The following AHCYL2 variants were observed in gnomAD, a reference collection of about 807,000 sequenced individuals.
AHCYL2 encodes adenosylhomocysteinase like 2.
In AHCYL2, 28 loss-of-function variants were observed where a neutral mutation model predicts 81.4. The ratio of observed to expected loss-of-function variants is 0.34; its 90% CI spans 0.25 to 0.47. The LOEUF (loss-of-function observed/expected upper bound fraction) is 0.47. Among genes scored for constraint, AHCYL2 ranks in the 20% least tolerant of loss-of-function variants. The pLI is 1.00. For synonymous variants in AHCYL2, 272 were observed against 290.2 expected, an observed-to-expected ratio of 0.94 and a Z score of 0.64; for missense variants, 551 against 785.1, an observed-to-expected ratio of 0.70 and a Z score of 3.56.
chr7:129,281,155 A>T (rs377073177), intron 1 of AHCYL2, among the ~76,000 whole-genome samples: 8 of 151,728 alleles, frequency 5.3e-5, no homozygotes, highest in Non-Finnish European at 8.8e-5. Context: ...GAGCCACCAC[A>T]CCCGGCCCAT....
rs1434472197 is a variant in AHCYL2 at position 129,358,070 on chromosome 7, C to T, written c.364-21568C>T. 3.3e-5 allele frequency among the ~76,000 whole-genome samples: 5 copies of T among 151,774 alleles called. 1 individual carries two copies. The highest frequency in any genetic ancestry group is 3.3e-4 in the Admixed American group (5 of 15,204). The stretch of plus-strand genomic sequence containing the variant: ...AGATGAATGGATAAACAAAATGTGG[C>T]ATAGACATAAAATGGAATATTATTC... On this transcript the variant is annotated intron_variant, in intron 1 of 16. Transcript: ENST00000325006.
chr7:129,330,306 G>C (rs1385018558), intron 1 of AHCYL2, among the ~76,000 whole-genome samples: 1 of 151,878 alleles, frequency 6.6e-6, no homozygotes, highest in Non-Finnish European at 1.5e-5. Context: ...CCCAAAAGCT[G>C]TTCTGTTTGT....
intron 1 of AHCYL2, among the ~76,000 whole-genome samples, chr7:129,250,205 CGAGGCCACAGTCA>C (rs1795202943): frequency 6.6e-6 from 1 of 152,142 alleles, no homozygotes. Context: ...AGGCTGAGTT[CGAGGCCACAGTCA>C]GCTATTATTG....
chr7:129,385,306 T>C (rs989338459), intron 2 of AHCYL2, among the ~76,000 whole-genome samples: 10 of 152,200 alleles, frequency 6.6e-5, no homozygotes, highest in African/African-American at 2.4e-4. Context: ...ACCAAATGAA[T>C]AGGTTAGGCC....
Position 129,368,457 on chromosome 7 carries a change from C to T in AHCYL2, c.364-11181C>T. On this transcript the variant is annotated intron_variant, in intron 1 of 16. Coordinates refer to ENST00000325006, the MANE Select transcript of AHCYL2 (RefSeq NM_015328.4). The surrounding 1 kb of genome is among the most constrained non-coding windows in gnomAD (Gnocchi z 4.4). ...CCCCAGTATTTCCAAACCAGCTTTC[C>T]CTTTTGCTTCAGGACATATCTTACC... 6.2e-7 allele frequency: 1 copy of T among 1,613,894 alleles called. No individual in the cohort carries two copies. Among genetic ancestry groups the T allele is most frequent in the Non-Finnish European group, 8.5e-7 (1 of 1,179,834 alleles).
In AHCYL2 at chr7:129,269,131, G is replaced by GT. The variant is rs55981012; in HGVS notation, c.363+43707dup. On this transcript the variant is annotated intron_variant, in intron 1 of 16. Coordinates refer to ENST00000325006, the MANE Select transcript of AHCYL2 (RefSeq NM_015328.4). ...TTTCTTTTTTTCCTAAATGATTCCT[G>GT]TTTTTTTTTTTTTTTCACTTACTCT... Among the ~76,000 whole-genome samples, 155 of 139,380 alleles carry GT rather than the reference G, an allele frequency of 1.1e-3. 2 individuals are homozygous for GT. The highest frequency in any genetic ancestry group is 3.9e-3 in the African/African-American group (147 of 37,572). The allele number at this position is 139,380 out of a possible 152,430, so 91.4% of individuals were successfully genotyped here. A position where few individuals can be genotyped will look rare whatever the true frequency, so the allele number is the denominator to read the frequency against.
intron 1 of AHCYL2, among the ~76,000 whole-genome samples, chr7:129,316,507 G>A (rs1797828127): frequency 6.6e-6 from 1 of 152,172 alleles, no homozygotes; most frequent in Non-Finnish European, 1.5e-5. Flanking sequence ...GTATGAAGCT[G>A]TAAGGCCAAA....
intron 1 of AHCYL2, among the ~76,000 whole-genome samples, chr7:129,273,212 C>G (rs1233505644): frequency 6.9e-6 from 1 of 145,756 alleles, no homozygotes; most frequent in Non-Finnish European, 1.5e-5. Flanking sequence ...TGACCAATGA[C>G]TTCTAAATAA....
intron 10 of AHCYL2, 55 bp from the exon 11 acceptor site, chr7:129,409,421 T>A: frequency 6.9e-7 from 1 of 1,456,020 alleles, no homozygotes; most frequent in South Asian, 1.2e-5. Context: ...AGTCCTGTGT[T>A]AAAAGGCTCC....
intron 1 of AHCYL2, among the ~76,000 whole-genome samples, chr7:129,228,655 C>T (rs1292119403): frequency 6.6e-6 from 1 of 152,172 alleles, no homozygotes; most frequent in African/African-American, 2.4e-5. Flanking sequence ...AGTGTTGGCG[C>T]ACAGCAGGGA....
chr7:129,225,487 A>T (rs1794177966), intron 1 of AHCYL2, 48 bp downstream of exon 1: 23 of 1,455,384 alleles, frequency 1.6e-5, no homozygotes, highest in Non-Finnish European at 2.1e-5. Context: ...AGGGGAGGGG[A>T]ACTGCAGATC....
intron 1 of AHCYL2, among the ~76,000 whole-genome samples, chr7:129,264,061 G>A (rs1011408822): frequency 2.6e-5 from 4 of 152,000 alleles, no homozygotes; most frequent in Non-Finnish European, 4.4e-5. Context: ...ATGCTCTGTC[G>A]CCTAGGCTGG....
chr7:129,316,675 A>T (rs1797834963), intron 1 of AHCYL2, among the ~76,000 whole-genome samples: 1 of 152,232 alleles, frequency 6.6e-6, no homozygotes, highest in Admixed American at 6.5e-5. Flanking sequence ...CACAGTACAT[A>T]GTTCTTGAGG....
chr7:129,284,599 C>CAA (rs1232402820), intron 1 of AHCYL2, among the ~76,000 whole-genome samples: 41 of 53,014 alleles, frequency 7.7e-4, no homozygotes, highest in East Asian at 1.3e-3. Context: ...GACTTCGTCT[C>CAA]AAAAAAAAAA....
At chr7:129,375,718 T>C in intron 1 of AHCYL2, 1 of 1,453,760 alleles carries the variant, frequency 6.9e-7, no homozygotes. Context: ...TGGAGCTGCT[T>C]CAGGGATTCC....
At chr7:129,424,360 A>G (rs530983539) in intron 13 of AHCYL2, among the ~76,000 whole-genome samples, 1 of 152,278 alleles carries the variant, frequency 6.6e-6, no homozygotes, top group East Asian at 1.9e-4. Context: ...AGATCATGCC[A>G]TGGAACTCCA....
chr7:129,387,844 A>G (rs1254589011), intron 2 of AHCYL2, among the ~76,000 whole-genome samples: 1 of 152,134 alleles, frequency 6.6e-6, no homozygotes, highest in Non-Finnish European at 1.5e-5. Context: ...CCTGGTGCCC[A>G]TGTTCATTCC....
chr7:129,390,274 TATAA>T (rs894289770), intron 4 of AHCYL2, among the ~76,000 whole-genome samples: 2 of 152,236 alleles, frequency 1.3e-5, no homozygotes, highest in Admixed American at 1.3e-4. Flanking sequence ...TATTGGGTAC[TATAA>T]ATAACCTAGA....
At chr7:129,260,473 A>C (rs529497044) in intron 1 of AHCYL2, among the ~76,000 whole-genome samples, 108 of 152,302 alleles carry the variant, frequency 7.1e-4, no homozygotes, top group African/African-American at 2.4e-3. Context: ...CATGGAAATC[A>C]TTCCTGCTTC....
Sources: gnomAD v4.1 joint callset for allele counts (sites outside exome capture counted in the v4.1 genomes callset) on GRCh38, gnomAD v4.1.1 for gene constraint, Gnocchi (gnomAD v3.1) non-coding constraint, MANE v1.5 for transcripts, NCBI Gene and HGNC (gene_info 2026-07-23, HGNC 2026-07-21) for gene names.